CADPS2: variants seen among roughly 807,000 people sequenced by gnomAD.
CADPS2 encodes the protein calcium dependent secretion activator 2.
In CADPS2, 93 loss-of-function variants were observed where a neutral mutation model predicts 172.5. The observed-to-expected ratio is 0.54, with a 90% CI of 0.46 to 0.64. The LOEUF (loss-of-function observed/expected upper bound fraction) is 0.64, where lower values mean the gene tolerates loss of function less well. CADPS2 is among the 30% of genes least tolerant of loss of function. The pLI is 0.00. For synonymous variants in CADPS2, 546 were observed against 555.2 expected (o/e 0.98, Z 0.23); for missense variants, 1,420 against 1,565.9 (o/e 0.91, Z 1.57).
chr7:122,834,879 G>C (rs1430245680), intron 1 of CADPS2, among the ~76,000 whole-genome samples: 5 of 152,184 alleles, frequency 3.3e-5, no homozygotes, highest in East Asian at 1.9e-4. Flanking sequence ...GCTGAACAAA[G>C]GCAGCAGAAA....
chr7:122,516,658 G>T (rs1409405476), intron 8 of CADPS2, among the ~76,000 whole-genome samples: 1 of 152,020 alleles, frequency 6.6e-6, no homozygotes, highest in South Asian at 2.1e-4. Context: ...GCCATTAAAA[G>T]TGAGGCCAGA....
At chr7:122,791,142 G>C (rs1795207951) in intron 1 of CADPS2, among the ~76,000 whole-genome samples, 1 of 152,086 alleles carries the variant, frequency 6.6e-6, no homozygotes, top group South Asian at 2.1e-4. Context: ...GCGAGGAAAA[G>C]TACAATAAAA....
At chr7:122,706,736 A>G (rs1369482902) in intron 2 of CADPS2, among the ~76,000 whole-genome samples, 1 of 147,688 alleles carries the variant, frequency 6.8e-6, no homozygotes, top group East Asian at 2.0e-4. Context: ...ATATACTTAT[A>G]TAAGAGCAAG....
chr7:122,675,632 G>A (rs931498413), intron 2 of CADPS2, among the ~76,000 whole-genome samples: 7 of 152,154 alleles, frequency 4.6e-5, no homozygotes, highest in African/African-American at 7.2e-5. Flanking sequence ...GGAATACCAC[G>A]CAGCCATAAA....
chr7:122,339,661 C>T (rs1326873683), intron 28 of CADPS2, among the ~76,000 whole-genome samples: 2 of 152,118 alleles, frequency 1.3e-5, no homozygotes, highest in African/African-American at 2.4e-5. Flanking sequence ...TGGAGGCAGA[C>T]AGATCTTCTG....
At chr7:122,598,433 T>C (rs1372366742) in intron 6 of CADPS2, among the ~76,000 whole-genome samples, 5 of 152,146 alleles carry the variant, frequency 3.3e-5, no homozygotes, top group African/African-American at 9.6e-5. Context: ...CCATTTTTGT[T>C]GCTGCTAAAA....
chr7:122,337,985 A>G (rs1276623875), intron 28 of CADPS2, among the ~76,000 whole-genome samples: 1 of 152,248 alleles, frequency 6.6e-6, no homozygotes, highest in African/African-American at 2.4e-5. Context: ...AGATTGCTAC[A>G]ACATGTGAGA....
At chr7:122,804,716 C>A (rs550765207) in intron 1 of CADPS2, among the ~76,000 whole-genome samples, 4 of 152,192 alleles carry the variant, frequency 2.6e-5, no homozygotes, top group Non-Finnish European at 4.4e-5. Flanking sequence ...GTTCCTATAT[C>A]AAATGATGCT....
chr7:122,658,857 C>T (rs1393345643), intron 3 of CADPS2, among the ~76,000 whole-genome samples: 1 of 151,846 alleles, frequency 6.6e-6, no homozygotes, highest in African/African-American at 2.4e-5. Flanking sequence ...ACGTTGTGCA[C>T]ATGTACCCTA....
chr7:122,340,058 T>C (rs2036536398), intron 28 of CADPS2, among the ~76,000 whole-genome samples: 1 of 152,216 alleles, frequency 6.6e-6, no homozygotes, highest in Admixed American at 6.5e-5. Flanking sequence ...ATTTATATAG[T>C]ATAGGTCAAT....
intron 28 of CADPS2, among the ~76,000 whole-genome samples, chr7:122,330,399 T>C (rs1335713840): frequency 6.6e-6 from 1 of 152,234 alleles, no homozygotes; most frequent in Non-Finnish European, 1.5e-5. Flanking sequence ...TTCTATTTAA[T>C]GCAACTAAAT....
intron 1 of CADPS2, among the ~76,000 whole-genome samples, chr7:122,864,834 G>T (rs1332091528): frequency 6.6e-6 from 1 of 152,176 alleles, no homozygotes; most frequent in Non-Finnish European, 1.5e-5. Flanking sequence ...CCAAATGGCT[G>T]CTCTAACTCC....
At chr7:122,385,046 T>A (rs948980803) in intron 24 of CADPS2, among the ~76,000 whole-genome samples, 7 of 152,016 alleles carry the variant, frequency 4.6e-5, no homozygotes, top group Non-Finnish European at 8.8e-5. Flanking sequence ...GAGAAAAGAA[T>A]GGGTTTATGA....
chr7:122,764,706 A>G (rs1013809670), intron 1 of CADPS2, among the ~76,000 whole-genome samples: 2 of 152,076 alleles, frequency 1.3e-5, no homozygotes, highest in Non-Finnish European at 2.9e-5. Context: ...AAGTGAAAGA[A>G]TAAGTCATTC....
rs146639832 is a variant in CADPS2, at chr7:122,571,292, C to G, written c.1335+9887G>C. On this transcript the variant is annotated intron_variant, in intron 7 of 29. Coordinates refer to ENST00000449022, the MANE Select transcript of CADPS2 (RefSeq NM_017954.11). ...GCCAATTAAAACCATAATGAAATAACAATATATACCTATTAGAAGGCATTA... is the reference window on the plus strand; with the variant it reads ...GCCAATTAAAACCATAATGAAATAAGAATATATACCTATTAGAAGGCATTA... Among the ~76,000 whole-genome samples the G allele has an allele frequency of 3.4e-3, 513 of 152,140 alleles. 6 individuals are homozygous for G. In the East Asian group the frequency reaches 0.052, roughly 15 times the overall value.
intron 11 of CADPS2, among the ~76,000 whole-genome samples, chr7:122,484,605 A>C (rs1422451842): frequency 1.3e-5 from 2 of 152,092 alleles, no homozygotes; most frequent in Admixed American, 1.3e-4. Context: ...TTTAGTTATA[A>C]CATCAAAAGC....
chr7:122,331,326 T>C (rs1187376311), intron 28 of CADPS2, among the ~76,000 whole-genome samples: 1 of 152,208 alleles, frequency 6.6e-6, no homozygotes, highest in East Asian at 1.9e-4. Flanking sequence ...ATTTATTTTA[T>C]CCTTCATAAG....
intron 7 of CADPS2, among the ~76,000 whole-genome samples, chr7:122,562,979 A>G (rs576215439): frequency 9.9e-5 from 15 of 152,272 alleles, no homozygotes; most frequent in African/African-American, 3.6e-4. Flanking sequence ...GTTCCACACA[A>G]CCTAACGATT....
At chr7:122,637,736 G>T (rs1009195261) in intron 3 of CADPS2, among the ~76,000 whole-genome samples, 1 of 152,164 alleles carries the variant, frequency 6.6e-6, no homozygotes, top group Admixed American at 6.5e-5. Context: ...GAGACACTCT[G>T]CCTTTTTGAA....
Sources: gnomAD v4.1 joint callset for allele counts (sites outside exome capture counted in the v4.1 genomes callset) on GRCh38, gnomAD v4.1.1 for gene constraint, MANE v1.5 for transcripts, NCBI Gene and HGNC (gene_info 2026-07-23, HGNC 2026-07-21) for gene names.